WNT9B: variants seen among roughly 807,000 people sequenced by gnomAD.
The protein encoded by WNT9B is Wnt family member 9B.
Under a neutral mutation model 30.2 loss-of-function variants are expected in WNT9B, and 12 were observed. That is an observed-to-expected ratio of 0.40 (90% CI 0.26 to 0.64). WNT9B has a LOEUF of 0.64. Among genes scored for constraint, WNT9B ranks in the 30% least tolerant of loss-of-function variants. The pLI is 0.42. For missense variants in WNT9B, 442 were observed against 485.2 expected (o/e 0.91, Z 0.84); for synonymous variants, 218 against 216.9 (o/e 1.01, Z -0.05).
chr17:46,871,631 GAGA>G (rs2085245626), intron 1 of WNT9B, among the ~76,000 whole-genome samples: 2 of 152,154 alleles, frequency 1.3e-5, no homozygotes, highest in Non-Finnish European at 2.9e-5. Context: ...CTAGGAGGTA[GAGA>G]AGATCACTCT....
At chr17:46,881,969 C>T (rs572320216), downstream of WNT9B, among the ~76,000 whole-genome samples, 1 of 152,302 alleles carries the variant, frequency 6.6e-6, no homozygotes, top group East Asian at 1.9e-4. Context: ...ATTCAGACTT[C>T]CCCAATTGTC....
At chr17:46,847,964 C>T (rs2084794917), upstream of WNT9B, among the ~76,000 whole-genome samples, 2 of 71,620 alleles carry the variant, frequency 2.8e-5, no homozygotes, top group South Asian at 1.3e-3. Context: ...TTGTGATTTC[C>T]AAAGTGTGTG....
upstream of WNT9B, among the ~76,000 whole-genome samples, chr17:46,849,844 A>AAC (rs2084818807): frequency 6.9e-6 from 1 of 144,746 alleles, no homozygotes; most frequent in South Asian, 2.4e-4. Flanking sequence ...CTAGGCATTT[A>AAC]ATATCTTTTT....
intron 1 of WNT9B, among the ~76,000 whole-genome samples, chr17:46,854,257 T>C (rs2084903271): frequency 6.6e-6 from 1 of 152,232 alleles, no homozygotes; most frequent in African/African-American, 2.4e-5. Flanking sequence ...CTGCATTCGC[T>C]GTCTGGGAGG....
At chr17:46,861,983 G>T (rs1421081859) in intron 1 of WNT9B, among the ~76,000 whole-genome samples, 1 of 152,052 alleles carries the variant, frequency 6.6e-6, no homozygotes, top group Non-Finnish European at 1.5e-5. Context: ...GGCCAACATG[G>T]TGAAACCCCA....
Position 46,876,942 on chromosome 17 carries a change from C to A in WNT9B, c.*224C>A. 1 of 1,321,256 alleles carries A rather than the reference C, an allele frequency of 7.6e-7. No homozygotes were observed. Among genetic ancestry groups the A allele is most frequent in the Non-Finnish European group, 9.6e-7 (1 of 1,038,878 alleles). 81.8% of individuals were successfully genotyped at this position (1,321,256 alleles called of 1,614,324 possible). On this transcript the variant is annotated 3_prime_UTR_variant, in exon 4 of 4. Transcript: ENST00000290015. ...AGCCTCCTCCCTTAACCCAAGCATC[C>A]CCAACCTTGTTGAGGACTTGGAGAG... is the stretch of plus-strand genomic sequence containing the variant.
chr17:46,859,228 G>A (rs1435063057), intron 1 of WNT9B, among the ~76,000 whole-genome samples: 1 of 151,990 alleles, frequency 6.6e-6, no homozygotes, highest in Non-Finnish European at 1.5e-5. Context: ...CACCTGCCTC[G>A]GCCTCCCAAA....
intron 1 of WNT9B, among the ~76,000 whole-genome samples, chr17:46,864,696 C>T (rs920092593): frequency 2.0e-5 from 3 of 152,116 alleles, no homozygotes; most frequent in Non-Finnish European, 4.4e-5. Flanking sequence ...CCCTGATGTG[C>T]TGGGTCTGCA....
intron 1 of WNT9B, among the ~76,000 whole-genome samples, chr17:46,842,805 A>G (rs866095868): frequency 1.3e-5 from 2 of 152,230 alleles, no homozygotes; most frequent in African/African-American, 4.8e-5. Flanking sequence ...TCCAGACAGA[A>G]GCTATGAGAA....
At chr17:46,862,415 G>T (rs762486063) in intron 1 of WNT9B, among the ~76,000 whole-genome samples, 1 of 152,024 alleles carries the variant, frequency 6.6e-6, no homozygotes, top group Admixed American at 6.5e-5. Flanking sequence ...ATTCTCCCTG[G>T]TTTGGGTCAG....
In WNT9B at chr17:46,876,564, G is replaced by C; in HGVS notation, c.920G>C (p.Arg307Pro). 1 of 1,613,638 alleles carries C rather than the reference G, an allele frequency of 6.2e-7. No individual in the cohort carries two copies. The highest frequency in any genetic ancestry group is 8.5e-7 in the Non-Finnish European group (1 of 1,180,018). Residue 307 changes from arginine to proline, a missense_variant, in exon 4 of 4, where the codon CGG becomes CCG. Coordinates refer to ENST00000290015, the MANE Select transcript of WNT9B (RefSeq NM_003396.3). ...GGCACAGCAGGTAGGGTGTGCTCCC[G>C]GGAGGCCAGCTGCAGCAGCCTGTGC... ...SPGTAGRVCSREASCSSLCCG... is the reference protein window; with the variant it reads ...SPGTAGRVCSPEASCSSLCCG...
chr17:46,851,129 C>G (rs987565561), upstream of WNT9B, among the ~76,000 whole-genome samples: 1 of 152,176 alleles, frequency 6.6e-6, no homozygotes, highest in African/African-American at 2.4e-5. This position sits in a 1 kb window ranked among gnomAD's most constrained non-coding sequence, Gnocchi z 4.3. Context: ...GCGAAGAGAC[C>G]GCACTTGCCC....
intron 1 of WNT9B, among the ~76,000 whole-genome samples, chr17:46,863,717 C>T (rs754139774): frequency 9.9e-5 from 15 of 152,122 alleles, no homozygotes; most frequent in Non-Finnish European, 1.5e-4. Context: ...GCATGGGGGT[C>T]GGACCGAGTT....
At chr17:46,839,473 A>G (rs1346541655) in intron 1 of WNT9B, among the ~76,000 whole-genome samples, 1 of 152,234 alleles carries the variant, frequency 6.6e-6, no homozygotes, top group Non-Finnish European at 1.5e-5. Context: ...CTGTGGCACA[A>G]CGCAGGCGTC....
intron 1 of WNT9B, among the ~76,000 whole-genome samples, chr17:46,869,770 G>T (rs1279655901): frequency 1.3e-5 from 2 of 152,056 alleles, no homozygotes; most frequent in Non-Finnish European, 2.9e-5. Context: ...AGGCTGAGGC[G>T]GGCAGGTCAC....
chr17:46,881,767 A>G (rs1469050824), downstream of WNT9B, among the ~76,000 whole-genome samples: 1 of 152,160 alleles, frequency 6.6e-6, no homozygotes, highest in African/African-American at 2.4e-5. Flanking sequence ...AAACAGCCAC[A>G]TGTGCTTTCT....
chr17:46,838,501 C>T (rs1410203909), intron 1 of WNT9B, among the ~76,000 whole-genome samples: 1 of 151,920 alleles, frequency 6.6e-6, no homozygotes, highest in African/African-American at 2.4e-5. Flanking sequence ...GTGGTATTCG[C>T]CCATAATCCT....
At chr17:46,883,326 C>A (rs1321564082), downstream of WNT9B, among the ~76,000 whole-genome samples, 2 of 149,098 alleles carry the variant, frequency 1.3e-5, no homozygotes, top group African/African-American at 5.0e-5. Context: ...CTTTTGTCAC[C>A]CAGGCTGGAG....
At chr17:46,883,565 G>A (rs145628907), downstream of WNT9B, among the ~76,000 whole-genome samples, 282 of 152,312 alleles carry the variant, frequency 1.9e-3, 1 homozygote, top group African/African-American at 6.5e-3. Flanking sequence ...GATTACAGGC[G>A]TGAGCCACTG....
Sources: gnomAD v4.1 joint callset for allele counts (sites outside exome capture counted in the v4.1 genomes callset) on GRCh38, gnomAD v4.1.1 for gene constraint, Gnocchi (gnomAD v3.1) non-coding constraint, MANE v1.5 for transcripts, NCBI Gene and HGNC (gene_info 2026-07-23, HGNC 2026-07-21) for gene names.